Variants in RAP1GDS1 observed in about 807,000 individuals in gnomAD.
RAP1GDS1 encodes the protein RAP1, GTP-GDP dissociation stimulator 1.
RAP1GDS1 carries 35 observed loss-of-function variants against 71.1 expected under a neutral mutation model. The observed-to-expected ratio is 0.49, with a 90% CI of 0.38 to 0.65. The LOEUF is 0.65. Ranked by LOEUF, RAP1GDS1 falls within the 30% of genes least tolerant of loss-of-function variation. RAP1GDS1 has a pLI of 0.00. For synonymous variants in RAP1GDS1, 229 were observed against 243.1 expected, an observed-to-expected ratio of 0.94 and a Z score of 0.54; for missense variants, 663 against 706.1, an observed-to-expected ratio of 0.94 and a Z score of 0.69.
chr4:98,364,751 G>T (rs1358242304), intron 4 of RAP1GDS1, among the ~76,000 whole-genome samples: 2 of 152,024 alleles, frequency 1.3e-5, no homozygotes, highest in East Asian at 1.9e-4. Flanking sequence ...TGAGGGCTGG[G>T]TGCAGTGGCT....
At chr4:98,399,830 A>G (rs1420705711) in intron 6 of RAP1GDS1, among the ~76,000 whole-genome samples, 1 of 152,130 alleles carries the variant, frequency 6.6e-6, no homozygotes, top group Non-Finnish European at 1.5e-5. Context: ...TGGGAGTGTC[A>G]ACTAGCACAG....
At chr4:98,337,288 A>T (rs1174449065) in intron 2 of RAP1GDS1, among the ~76,000 whole-genome samples, 1 of 152,232 alleles carries the variant, frequency 6.6e-6, no homozygotes, top group Non-Finnish European at 1.5e-5. Context: ...AAAATACTAT[A>T]CATCTCTTTC....
chr4:98,378,299 T>G (rs919322254), intron 4 of RAP1GDS1, among the ~76,000 whole-genome samples: 2 of 151,970 alleles, frequency 1.3e-5, no homozygotes, highest in African/African-American at 4.8e-5. Flanking sequence ...GCAATGTAGA[T>G]GGACACATAA....
chr4:98,304,451 T>C (rs1371860289), intron 2 of RAP1GDS1, among the ~76,000 whole-genome samples: 1 of 152,218 alleles, frequency 6.6e-6, no homozygotes, highest in Non-Finnish European at 1.5e-5. Flanking sequence ...TGATCAGTGA[T>C]GTTGAGCTTT....
Position 98,268,688 on chromosome 4 carries a change from G to A in RAP1GDS1, c.4+7119G>A, listed in dbSNP as rs1006947046. On this transcript the variant is annotated intron_variant, in intron 1 of 14. Transcript: ENST00000408927. ...TATACACTAACAGCAAACTTTCTGA[G>A]GATGTAATCAAGAAAACAATCCTAT... Among the ~76,000 whole-genome samples, 12 of 151,868 alleles carry A rather than the reference G, an allele frequency of 7.9e-5. No individual in the cohort carries two copies. The East Asian group carries it at 2.3e-3, about 29-fold the overall frequency.
At chr4:98,343,796 A>G (rs1246865767) in intron 3 of RAP1GDS1, among the ~76,000 whole-genome samples, 1 of 152,194 alleles carries the variant, frequency 6.6e-6, no homozygotes, top group African/African-American at 2.4e-5. Context: ...ATTGTGTACT[A>G]TTTATACACT....
At chr4:98,321,658 C>T (rs1191869219) in intron 2 of RAP1GDS1, among the ~76,000 whole-genome samples, 1 of 144,388 alleles carries the variant, frequency 6.9e-6, no homozygotes, top group Non-Finnish European at 1.5e-5. Flanking sequence ...AATTTCATAT[C>T]CAGCCAAACT....
At chr4:98,285,983 T>A (rs1479475542) in intron 1 of RAP1GDS1, among the ~76,000 whole-genome samples, 1 of 150,388 alleles carries the variant, frequency 6.6e-6, no homozygotes, top group Non-Finnish European at 1.5e-5. Context: ...ATTATTGCCA[T>A]GGCTGGGCAC....
At chr4:98,341,499 T>A (rs999665097) in intron 2 of RAP1GDS1, among the ~76,000 whole-genome samples, 2 of 152,204 alleles carry the variant, frequency 1.3e-5, no homozygotes, top group African/African-American at 2.4e-5. Flanking sequence ...ACTGCTCGCC[T>A]CCACACATAA....
chr4:98,387,510 A>G (rs1268805606), intron 5 of RAP1GDS1: 2 of 455,676 alleles, frequency 4.4e-6, no homozygotes, highest in South Asian at 1.5e-5. Context: ...GTAGGTAGGT[A>G]AGTGTTCACA....
intron 4 of RAP1GDS1, among the ~76,000 whole-genome samples, chr4:98,355,563 A>G (rs1432767128): frequency 6.6e-6 from 1 of 152,218 alleles, no homozygotes; most frequent in Non-Finnish European, 1.5e-5. Context: ...TATTGGAGAT[A>G]AAAATTTGAG....
At chr4:98,417,577 A>G in intron 9 of RAP1GDS1, 79 bp downstream of exon 9, 1 of 1,425,918 alleles carries the variant, frequency 7.0e-7, no homozygotes. Flanking sequence ...ATATACTAAA[A>G]CTGGAACAGT....
At chr4:98,336,448 A>G (rs1734733203) in intron 2 of RAP1GDS1, among the ~76,000 whole-genome samples, 1 of 152,110 alleles carries the variant, frequency 6.6e-6, no homozygotes, top group South Asian at 2.1e-4. Flanking sequence ...CACATCCTAC[A>G]TTATCCCTGG....
intron 2 of RAP1GDS1, among the ~76,000 whole-genome samples, chr4:98,300,509 C>T (rs1339478733): frequency 6.6e-6 from 1 of 151,880 alleles, no homozygotes; most frequent in Non-Finnish European, 1.5e-5. Flanking sequence ...AAATGATTCT[C>T]CTGCCTCAGC....
At chr4:98,273,074 C>T (rs1471550578) in intron 1 of RAP1GDS1, among the ~76,000 whole-genome samples, 5 of 152,096 alleles carry the variant, frequency 3.3e-5, no homozygotes, top group East Asian at 3.9e-4. Context: ...TGGTCATTGT[C>T]GACTTCTCAT....
chr4:98,406,976 A>G (rs976973656), intron 7 of RAP1GDS1, among the ~76,000 whole-genome samples: 1 of 152,156 alleles, frequency 6.6e-6, no homozygotes, highest in African/African-American at 2.4e-5. Context: ...TGTTACAAGT[A>G]AAGACCTATT....
intron 1 of RAP1GDS1, among the ~76,000 whole-genome samples, chr4:98,292,477 G>A (rs954610914): frequency 1.3e-5 from 2 of 151,564 alleles, no homozygotes; most frequent in African/African-American, 2.4e-5. Context: ...TAAGTGATAG[G>A]TTGATGGGTG....
chr4:98,353,889 A>G (rs1300700946), intron 4 of RAP1GDS1, among the ~76,000 whole-genome samples: 1 of 152,108 alleles, frequency 6.6e-6, no homozygotes, highest in African/African-American at 2.4e-5. Context: ...TCAAGACTGA[A>G]TCATTTATTA....
chr4:98,276,623 A>G (rs1297040616), intron 1 of RAP1GDS1, among the ~76,000 whole-genome samples: 1 of 152,120 alleles, frequency 6.6e-6, no homozygotes, highest in African/African-American at 2.4e-5. Context: ...GCTTAGAAAT[A>G]CATTTCTCTG....
Sources: allele counts gnomAD v4.1 joint callset (sites outside exome capture counted in the v4.1 genomes callset), GRCh38; gene constraint gnomAD v4.1.1; transcripts MANE v1.5; gene names NCBI Gene and HGNC (gene_info 2026-07-23, HGNC 2026-07-21).